STAU1: variants seen among roughly 807,000 people sequenced by gnomAD.
The protein encoded by STAU1 is staufen double-stranded RNA binding protein 1.
STAU1 carries 13 observed loss-of-function variants against 62.9 expected under a neutral mutation model. That is an observed-to-expected ratio of 0.21 (90% CI 0.13 to 0.33). STAU1 has a LOEUF of 0.33. STAU1 is among the 10% of genes least tolerant of loss of function. The probability of loss-of-function intolerance (pLI) is 1.00; values close to 1 mark genes in which losing one functional copy is unlikely to be tolerated. For synonymous variants in STAU1, 269 were observed against 265.1 expected, an observed-to-expected ratio of 1.01 and a Z score of -0.14; for missense variants, 571 against 712.1, an observed-to-expected ratio of 0.80 and a Z score of 2.25.
At chr20:49,130,608 G>C (rs2092729184) in intron 6 of STAU1, among the ~76,000 whole-genome samples, 1 of 152,108 alleles carries the variant, frequency 6.6e-6, no homozygotes, top group Admixed American at 6.6e-5. Flanking sequence ...AAGCAGCAAT[G>C]CATCTATACC....
At chr20:49,197,992 G>C in the STAU1 span, among the ~76,000 whole-genome samples, 1 of 152,112 alleles carries the variant, frequency 6.6e-6, no homozygotes, top group African/African-American at 2.4e-5. Context: ...TTATAGGCGT[G>C]AGCCACACTG....
chr20:49,181,222 T>C (rs2093720672), intron 1 of STAU1, among the ~76,000 whole-genome samples: 1 of 152,210 alleles, frequency 6.6e-6, no homozygotes, highest in Non-Finnish European at 1.5e-5. Flanking sequence ...TTAGGTAAAT[T>C]CAACCTGACC....
At position 49,134,958 on chromosome 20, in the gene STAU1, G is replaced by A. The variant is rs909772896; in HGVS notation, c.609+875C>T. ...AAGAATGATAAACCCAGCACGTGGT[G>A]GACTTGCTTTGTGAAGAGACAGTTC... is the stretch of plus-strand genomic sequence containing the variant. On this transcript the variant is annotated intron_variant, in intron 6 of 13. Transcript: ENST00000371856. 4 of 1,601,184 alleles carry A rather than the reference G, an allele frequency of 2.5e-6. No homozygotes were observed. The African/African-American group carries it at 4.0e-5, about 16-fold the overall frequency.
the STAU1 span, among the ~76,000 whole-genome samples, chr20:49,196,129 A>G: frequency 6.7e-6 from 1 of 149,650 alleles, no homozygotes; most frequent in Non-Finnish European, 1.5e-5. Context: ...ATCTAAAAAA[A>G]AAAAAGAAAG....
At chr20:49,194,553 G>A in the STAU1 span, among the ~76,000 whole-genome samples, 1 of 59,398 alleles carries the variant, frequency 1.7e-5, no homozygotes, top group Non-Finnish European at 4.2e-5. Flanking sequence ...GAGCCCAGGA[G>A]TTCGAGGCTG....
the STAU1 span, among the ~76,000 whole-genome samples, chr20:49,193,593 C>T: frequency 2.6e-5 from 4 of 152,126 alleles, no homozygotes; most frequent in African/African-American, 4.8e-5. Flanking sequence ...ATCGCTTGAA[C>T]GCGGGAGGCG....
intron 1 of STAU1, among the ~76,000 whole-genome samples, chr20:49,184,680 A>G (rs1416256915): frequency 6.6e-6 from 1 of 152,234 alleles, no homozygotes; most frequent in Admixed American, 6.5e-5. Context: ...TCAATGCTTA[A>G]AAGTTTTACG....
rs747591847 is a variant in STAU1, at chr20:49,151,729, T to C, written c.363A>G (p.Pro121=). 3 of 1,609,444 alleles carry C rather than the reference T, an allele frequency of 1.9e-6. No individual in the cohort carries two copies. The highest frequency in any genetic ancestry group is 1.7e-6 in the Non-Finnish European group (2 of 1,178,670). The change falls in exon 5 of 14, where the codon CCA becomes CCG. Residue 121 remains proline, a synonymous_variant. Coordinates refer to ENST00000371856, the MANE Select transcript of STAU1 (RefSeq NM_017453.4). Reference sequence around the variant, plus strand: ...CCACTTGATAAAGTAAAGGTGGAACTGGAAATGGGTAAAAGTACCTAGAAA... The same window carrying C: ...CCACTTGATAAAGTAAAGGTGGAACCGGAAATGGGTAAAAGTACCTAGAAA... The part of the protein sequence containing the change: ...AYPPRYFYPF[P]VPPLLYQVEL...
the STAU1 span, among the ~76,000 whole-genome samples, chr20:49,201,741 CAAAAAAA>C: frequency 1.3e-5 from 1 of 75,274 alleles, no homozygotes; most frequent in African/African-American, 5.8e-5. Flanking sequence ...GACTCTGTCT[CAAAAAAA>C]AAAAAAAAAA....
At position 49,151,881 on chromosome 20, in the gene STAU1, A is replaced by G. The variant is rs1391961356; in HGVS notation, c.345-134T>C. 3 of 741,288 alleles carry G rather than the reference A, an allele frequency of 4.0e-6. No individual in the cohort carries two copies. The African/African-American group carries it at 5.5e-5, about 13-fold the overall frequency. 45.9% of individuals were successfully genotyped at this position (741,288 alleles called of 1,614,324 possible). Reference sequence around the variant, plus strand: ...TGTTTGATGCTAATCACTCTTCATCAATATATCCAGAGATTTCATAAAAGC... The same window carrying G: ...TGTTTGATGCTAATCACTCTTCATCGATATATCCAGAGATTTCATAAAAGC... On this transcript the variant is annotated intron_variant, in intron 4 of 13. Transcript: ENST00000371856.
chr20:49,119,491 G>A (rs2048228467), intron 9 of STAU1, among the ~76,000 whole-genome samples: 1 of 152,116 alleles, frequency 6.6e-6, no homozygotes, highest in South Asian at 2.1e-4. Context: ...ATTTTCATCT[G>A]ATGTTTAACT....
chr20:49,166,518 T>A (rs569644845), intron 2 of STAU1, among the ~76,000 whole-genome samples: 1 of 152,352 alleles, frequency 6.6e-6, no homozygotes, highest in South Asian at 2.1e-4. Context: ...GTGCTCTGCA[T>A]ATTCATTATA....
At chr20:49,202,315 A>G in the STAU1 span, among the ~76,000 whole-genome samples, 1 of 151,876 alleles carries the variant, frequency 6.6e-6, no homozygotes, top group South Asian at 2.1e-4. Flanking sequence ...TAATCCCAGC[A>G]CTTTAGGAGG....
At position 49,117,320 on chromosome 20, in the gene STAU1, A is replaced by T. The variant is rs113377570; in HGVS notation, c.1510-72T>A. 34 of 1,558,848 alleles carry T rather than the reference A, an allele frequency of 2.2e-5. No homozygotes were observed. The Admixed American group carries it at 4.4e-4, about 20-fold the overall frequency. ...GAGTGGGCTGGAGGGCTGCAGCTCCAGGCCCCACAAGCAAGATCACCAGCT... is the reference window on the plus strand; with the variant it reads ...GAGTGGGCTGGAGGGCTGCAGCTCCTGGCCCCACAAGCAAGATCACCAGCT... On this transcript the variant is annotated intron_variant, in intron 11 of 13. Transcript: ENST00000371856. This position sits in a 1 kb window ranked among gnomAD's most constrained non-coding sequence, Gnocchi z 4.6.
intron 9 of STAU1, among the ~76,000 whole-genome samples, chr20:49,118,770 A>G (rs1319326968): frequency 6.6e-6 from 1 of 152,258 alleles, no homozygotes; most frequent in East Asian, 1.9e-4. Flanking sequence ...TTCAGACTGA[A>G]GCTAAACAAA....
chr20:49,114,994 T>G (rs2092278515), intron 13 of STAU1, 101 bp from the exon 14 acceptor site: 2 of 1,233,624 alleles, frequency 1.6e-6, no homozygotes, highest in Non-Finnish European at 2.3e-6. Flanking sequence ...GGAAGTACAA[T>G]ACTAAAAGCC....
At chr20:49,129,630 CTTTTT>C (rs558925613) in intron 6 of STAU1, among the ~76,000 whole-genome samples, 40 of 96,668 alleles carry the variant, frequency 4.1e-4, no homozygotes, top group Admixed American at 1.2e-3. Flanking sequence ...AGTTTGGCAA[CTTTTT>C]TTTTTTTTTT....
At chr20:49,174,001 T>C (rs1277558441) in intron 2 of STAU1, among the ~76,000 whole-genome samples, 194 bp downstream of exon 2, 1 of 152,232 alleles carries the variant, frequency 6.6e-6, no homozygotes, top group African/African-American at 2.4e-5. Flanking sequence ...AGGCTTTACA[T>C]TCTTGCCAAT....
chr20:49,141,331 G>A (rs2093002949), intron 5 of STAU1, among the ~76,000 whole-genome samples: 2 of 152,198 alleles, frequency 1.3e-5, no homozygotes, highest in Admixed American at 1.3e-4. Flanking sequence ...GCTCACGCCT[G>A]TAGTCCCAAC....
Sources: gnomAD v4.1 joint callset for allele counts (sites outside exome capture counted in the v4.1 genomes callset) on GRCh38, gnomAD v4.1.1 for gene constraint, Gnocchi (gnomAD v3.1) non-coding constraint, MANE v1.5 for transcripts, NCBI Gene and HGNC (gene_info 2026-07-23, HGNC 2026-07-21) for gene names.